CRACR2A: variants seen among roughly 807,000 people sequenced by gnomAD.
CRACR2A encodes the protein calcium release activated channel regulator 2A, also known as EF-hand calcium-binding domain-containing protein 4B.
Under a neutral mutation model 90.5 loss-of-function variants are expected in CRACR2A, and 79 were observed. The observed-to-expected ratio is 0.87, with a 90% CI of 0.73 to 1.05. The LOEUF is 1.05. Among genes scored for constraint, CRACR2A ranks in the 50% least tolerant of loss-of-function variants. The pLI is 0.00. For synonymous variants in CRACR2A, 338 were observed against 356.7 expected (o/e 0.95, Z 0.59); for missense variants, 823 against 897.2 (o/e 0.92, Z 1.06).
At chr12:3,673,331 G>A in intron 7 of CRACR2A, 115 bp downstream of exon 7, 1 of 1,323,332 alleles carries the variant, frequency 7.6e-7, no homozygotes, top group Non-Finnish European at 1.0e-6. Context: ...CACTTTGGCA[G>A]ACAGCAAAAG....
chr12:3,646,826 A>G (rs886580525), intron 11 of CRACR2A, among the ~76,000 whole-genome samples: 2 of 152,180 alleles, frequency 1.3e-5, no homozygotes, highest in African/African-American at 4.8e-5. Context: ...GGATGTAGCC[A>G]TCCCCATACA....
chr12:3,659,792 A>G (rs960061714), intron 7 of CRACR2A, 138 bp from the exon 8 acceptor site: 233 of 670,382 alleles, frequency 3.5e-4, no homozygotes, highest in Middle Eastern at 1.0e-3. Flanking sequence ...AGCCAACGCT[A>G]TAAGATCAGT....
At chr12:3,741,361 A>AC (rs754143697) in intron 1 of CRACR2A, among the ~76,000 whole-genome samples, 2 of 152,244 alleles carry the variant, frequency 1.3e-5, no homozygotes, top group Non-Finnish European at 2.9e-5. Flanking sequence ...TTGATAAAAA[A>AC]CACTGATGAC....
rs1369960196 is a variant in CRACR2A, at chr12:3,627,515, G to GC, written c.1852dup (p.Ala618GlyfsTer41). On this transcript the variant is annotated frameshift_variant, in exon 17 of 20. Transcript: ENST00000440314. LOFTEE classifies it high-confidence loss of function. ...ATCGTACATGACGATGACACCATCT[G>GC]CCTTTCTGAAGAACTGCTGGGTGAT... 3 of 1,551,636 alleles carry GC rather than the reference G, an allele frequency of 1.9e-6. No homozygotes were observed. Among genetic ancestry groups the GC allele is most frequent in the Non-Finnish European group, 2.6e-6 (3 of 1,147,040 alleles).
At chr12:3,745,960 T>A (rs1435277032) in intron 1 of CRACR2A, among the ~76,000 whole-genome samples, 1 of 151,998 alleles carries the variant, frequency 6.6e-6, no homozygotes, top group African/African-American at 2.4e-5. Flanking sequence ...TCCCTCCCGC[T>A]GACCTCCCTG....
intron 7 of CRACR2A, among the ~76,000 whole-genome samples, chr12:3,666,465 TA>T (rs1002473794): frequency 4.6e-5 from 7 of 151,980 alleles, no homozygotes; most frequent in African/African-American, 9.7e-5. Context: ...AACAAGGATA[TA>T]GGGGTGAAGA....
chr12:3,619,288 C>G lies in CRACR2A; in HGVS notation c.2017G>C (p.Gly673Arg). The change falls in exon 18 of 20, where the codon GGA becomes CGA. Residue 673 changes from glycine to arginine, a missense_variant. Transcript: ENST00000440314. ...EKEREVPRGL[G>R]EQLATENNLI... The stretch of plus-strand genomic sequence containing the variant: ...CTCTTTACCGTGGCAAGCTGCTCTC[C>G]GAGGCCCCGGGGGACTTCCCGCTCC... 6.4e-7 allele frequency: 1 copy of G among 1,551,606 alleles called. No individual in the cohort carries two copies. The highest frequency in any genetic ancestry group is 8.7e-7 in the Non-Finnish European group (1 of 1,146,962).
chr12:3,700,026 G>A (rs1158172624), intron 3 of CRACR2A, among the ~76,000 whole-genome samples: 1 of 152,136 alleles, frequency 6.6e-6, no homozygotes, highest in Non-Finnish European at 1.5e-5. Flanking sequence ...TTTAAAAATG[G>A]TTTTCAAGAC....
At chr12:3,747,772 C>T (rs966122158) in intron 1 of CRACR2A, among the ~76,000 whole-genome samples, 3 of 152,230 alleles carry the variant, frequency 2.0e-5, no homozygotes, top group South Asian at 2.1e-4. Context: ...CAGCCACACC[C>T]GCTGGTTCCA....
intron 10 of CRACR2A, among the ~76,000 whole-genome samples, chr12:3,649,165 G>A (rs1294435450): frequency 1.3e-5 from 2 of 151,802 alleles, no homozygotes; most frequent in African/African-American, 2.4e-5. Context: ...CACCAACATG[G>A]CACATGTATA....
At chr12:3,622,294 T>A (rs1315903635) in intron 17 of CRACR2A, among the ~76,000 whole-genome samples, 1 of 152,198 alleles carries the variant, frequency 6.6e-6, no homozygotes, top group Non-Finnish European at 1.5e-5. Flanking sequence ...AGCTCCTTCA[T>A]CAGGCACACA....
intron 15 of CRACR2A, among the ~76,000 whole-genome samples, chr12:3,632,819 C>T (rs1944399098): frequency 6.6e-6 from 1 of 152,196 alleles, no homozygotes; most frequent in Non-Finnish European, 1.5e-5. Flanking sequence ...TTTTCAAGTA[C>T]AGTTGACTTA....
Position 3,680,449 on chromosome 12 carries a change from G to C in CRACR2A, c.229-100C>G, listed in dbSNP as rs74055976. 9.6e-6 allele frequency: 9 copies of C among 940,290 alleles called. No individual in the cohort carries two copies. The Admixed American group carries it at 1.5e-4, about 16-fold the overall frequency. 58.2% of individuals were successfully genotyped at this position (940,290 alleles called of 1,614,324 possible). ...TTCTGCCAGAAAGTGTCTAGAGTTC[G>C]GCCCAGTCCTACAAAAGCCAGTAGA... On this transcript the variant is annotated intron_variant, in intron 4 of 19. Transcript: ENST00000440314.
chr12:3,645,868 A>T (rs11832865), intron 11 of CRACR2A, among the ~76,000 whole-genome samples: 1 of 152,298 alleles, frequency 6.6e-6, no homozygotes, highest in East Asian at 1.9e-4. Flanking sequence ...ATTAGAGTAC[A>T]TTTGTAGGTA....
intron 7 of CRACR2A, among the ~76,000 whole-genome samples, chr12:3,671,748 T>C (rs1053240381): frequency 3.3e-5 from 5 of 152,244 alleles, no homozygotes; most frequent in African/African-American, 1.2e-4. Flanking sequence ...TTAACAAAGA[T>C]ACTTATTTAA....
chr12:3,644,133 T>C (rs1271235226), intron 12 of CRACR2A, among the ~76,000 whole-genome samples: 2 of 148,686 alleles, frequency 1.3e-5, no homozygotes, highest in African/African-American at 2.5e-5. Flanking sequence ...GGGGTCCCTA[T>C]AGGATAGAGA....
intron 3 of CRACR2A, among the ~76,000 whole-genome samples, chr12:3,709,369 T>C (rs1213318069): frequency 6.6e-6 from 1 of 152,266 alleles, no homozygotes; most frequent in East Asian, 1.9e-4. Context: ...TAAATCTGCT[T>C]TGCATTATTC....
intron 14 of CRACR2A, among the ~76,000 whole-genome samples, chr12:3,635,665 C>T (rs1420231825): frequency 6.6e-6 from 1 of 152,132 alleles, no homozygotes; most frequent in African/African-American, 2.4e-5. Context: ...ATCAACACGC[C>T]TGGCTAATTT....
intron 1 of CRACR2A, among the ~76,000 whole-genome samples, chr12:3,738,317 T>C (rs775169022): frequency 3.9e-5 from 6 of 152,206 alleles, no homozygotes; most frequent in Non-Finnish European, 5.9e-5. Context: ...GGCCAGGGGC[T>C]TCTTTAGATA....
Sources: allele counts gnomAD v4.1 joint callset (sites outside exome capture counted in the v4.1 genomes callset), GRCh38; gene constraint gnomAD v4.1.1; transcripts MANE v1.5; gene names NCBI Gene and HGNC (gene_info 2026-07-23, HGNC 2026-07-21).